RFX1: variants seen among roughly 807,000 people sequenced by gnomAD.
The protein encoded by RFX1 is MHC class II regulatory factor RFX1.
Under a neutral mutation model 119.6 loss-of-function variants are expected in RFX1, and 42 were observed. That is an observed-to-expected ratio of 0.35 (90% CI 0.27 to 0.45). The LOEUF is 0.45. RFX1 is among the 20% of genes least tolerant of loss of function. RFX1 has a pLI of 1.00. For synonymous variants in RFX1, 628 were observed against 618.5 expected (o/e 1.02, Z -0.23); for missense variants, 1,118 against 1,368.1 (o/e 0.82, Z 2.88).
intron 2 of RFX1, among the ~76,000 whole-genome samples, chr19:13,989,535 TAGAGAG>T (rs57906004): frequency 6.8e-6 from 1 of 146,442 alleles, no homozygotes; most frequent in African/African-American, 2.5e-5. Flanking sequence ...ACACCCAGCT[TAGAGAG>T]AGAGAGAGAG....
At position 13,993,559 on chromosome 19, in the gene RFX1, A is replaced by G; in HGVS notation, c.285T>C (p.Pro95=). ...SQPTGAPTPS[P]APQQYIVVTV... ...TGACCACGATGTACTGCTGGGGTGCAGGCGAAGGGGTGGGTGCACCGGTTG... is the reference window on the plus strand; with the variant it reads ...TGACCACGATGTACTGCTGGGGTGCGGGCGAAGGGGTGGGTGCACCGGTTG... Residue 95 remains proline, a synonymous_variant, in exon 2 of 21, where the codon CCT becomes CCC. Transcript: ENST00000254325. 3 of 1,612,908 alleles carry G rather than the reference A, an allele frequency of 1.9e-6. No individual in the cohort carries two copies. The highest frequency in any genetic ancestry group is 2.5e-6 in the Non-Finnish European group (3 of 1,179,544).
At chr19:13,989,337 G>A (rs1431732098) in intron 2 of RFX1, among the ~76,000 whole-genome samples, 1 of 152,096 alleles carries the variant, frequency 6.6e-6, no homozygotes, top group African/African-American at 2.4e-5. Flanking sequence ...GCTAGTAGGG[G>A]CACAGGGTGT....
At position 13,962,467 on chromosome 19, in the gene RFX1, G is replaced by A; in HGVS notation, c.*228C>T. 1 of 519,710 alleles carries A rather than the reference G, an allele frequency of 1.9e-6. No individual in the cohort carries two copies. 32.2% of individuals were successfully genotyped at this position (519,710 alleles called of 1,614,324 possible). A position where few individuals can be genotyped will look rare whatever the true frequency, so the allele number is the denominator to read the frequency against. ...GCCCCGCGGGGCACCTGGGCACGCG[G>A]CGGGTTCCTTAAGGCACGTCTTTTG... is the stretch of plus-strand genomic sequence containing the variant. On this transcript the variant is annotated 3_prime_UTR_variant, in exon 21 of 21. Transcript: ENST00000254325.
At chr19:13,995,053 G>T (rs1337589904) in intron 1 of RFX1, among the ~76,000 whole-genome samples, 1 of 150,492 alleles carries the variant, frequency 6.6e-6, no homozygotes, top group African/African-American at 2.4e-5. Flanking sequence ...TTCTAGGTGT[G>T]AGCCACCACG....
chr19:13,966,587 C>A lies in RFX1; in HGVS notation c.1851+46G>T. ...GGGGGCAGCATGGCCCTCCCATGCC[C>A]GTGGCTGCGTCCCCGTCCACTTGCC... On this transcript the variant is annotated intron_variant, in intron 13 of 20. Coordinates refer to ENST00000254325, the MANE Select transcript of RFX1 (RefSeq NM_002918.5). This position sits in a 1 kb window ranked among gnomAD's most constrained non-coding sequence, Gnocchi z 6.3. The A allele has an allele frequency of 2.0e-6, 3 of 1,536,264 alleles. No homozygotes were observed. Among genetic ancestry groups the A allele is most frequent in the East Asian group, 2.3e-5 (1 of 43,510 alleles).
In RFX1 at chr19:13,993,792, G is replaced by A; in HGVS notation, c.52C>T (p.Pro18Ser). ...TGGGCTTGTGGCGGGGCCTGTGGCGGCTGGGATGGTGGCGGGGCTGCCTGT... is the reference window on the plus strand; with the variant it reads ...TGGGCTTGTGGCGGGGCCTGTGGCGACTGGGATGGTGGCGGGGCTGCCTGT... The part of the protein sequence containing the change: ...ELQAAPPPSQ[P>S]PQAPPQAQPQ... Residue 18 changes from proline to serine, a missense_variant, in exon 2 of 21, where the codon CCG becomes TCG. Pro to Ser is a moderately conservative substitution (Grantham distance 74). Around this residue, in one of 5 missense-constraint regions of RFX1, gnomAD observed 542 missense variants for 602.7 expected, o/e 0.90. Transcript: ENST00000254325. The A allele has an allele frequency of 6.3e-7, 1 of 1,597,832 alleles. No homozygotes were observed. Among genetic ancestry groups the A allele is most frequent in the Non-Finnish European group, 8.5e-7 (1 of 1,173,262 alleles).
At position 13,962,181 on chromosome 19, in the gene RFX1, G is replaced by A. The variant is rs1215283362; in HGVS notation, c.*514C>T. The A allele has an allele frequency of 6.5e-6, 1 of 154,910 alleles. No homozygotes were observed. The highest frequency in any genetic ancestry group is 6.5e-5 in the Admixed American group (1 of 15,476). The allele number at this position is 154,910 out of a possible 1,614,324, so 9.6% of individuals were successfully genotyped here. A position where few individuals can be genotyped will look rare whatever the true frequency, so the allele number is the denominator to read the frequency against. On this transcript the variant is annotated 3_prime_UTR_variant, in exon 21 of 21. Transcript: ENST00000254325. Reference sequence around the variant, plus strand: ...CTTTAATTGCACTTAATACCAAGAAGGGGAAGCAGTGGGGTTGCTGGGGGT... The same window carrying A: ...CTTTAATTGCACTTAATACCAAGAAAGGGAAGCAGTGGGGTTGCTGGGGGT...
At position 13,993,688 on chromosome 19, in the gene RFX1, G is replaced by T; in HGVS notation, c.156C>A (p.Pro52=). The stretch of plus-strand genomic sequence containing the variant: ...GGCTCTGCAGCTCGGTGACATATTG[G>T]GGCTGAGGGGTGGCAGCAGCGGTGG... The part of the protein sequence containing the change: ...QPPTAAATPQ[P]QYVTELQSPQ... Residue 52 remains proline (P), a synonymous_variant, in exon 2 of 21, where the codon CCC becomes CCA. Transcript: ENST00000254325. The T allele has an allele frequency of 1.9e-6, 3 of 1,586,646 alleles. No homozygotes were observed. Among genetic ancestry groups the T allele is most frequent in the Non-Finnish European group, 2.6e-6 (3 of 1,165,984 alleles).
intron 16 of RFX1, 40 bp from the exon 17 acceptor site, chr19:13,964,047 C>T (rs1441059655): frequency 2.6e-6 from 4 of 1,517,788 alleles, no homozygotes; most frequent in African/African-American, 1.4e-5. Flanking sequence ...TTCCAAGGAA[C>T]CCCAGCCCGC....
chr19:13,983,153 C>T (rs753571419), intron 4 of RFX1, 34 bp downstream of exon 4: 22 of 1,507,676 alleles, frequency 1.5e-5, no homozygotes, highest in Admixed American at 2.0e-5. Flanking sequence ...CTGAGGGAGC[C>T]TTCCAGGGTG....
At chr19:13,974,674 G>A (rs1974199944) in intron 8 of RFX1, among the ~76,000 whole-genome samples, 2 of 152,112 alleles carry the variant, frequency 1.3e-5, no homozygotes. Flanking sequence ...CAGGCAGGGG[G>A]CACCTCTCAC....
chr19:13,979,119 G>A (rs1449530121), intron 7 of RFX1, among the ~76,000 whole-genome samples: 1 of 152,084 alleles, frequency 6.6e-6, no homozygotes, highest in Non-Finnish European at 1.5e-5. Context: ...CAACGGGGGC[G>A]GCCGCGGGCG....
intron 2 of RFX1, among the ~76,000 whole-genome samples, chr19:13,984,760 G>A (rs965848195): frequency 5.9e-5 from 9 of 152,308 alleles, no homozygotes; most frequent in East Asian, 3.9e-4. Context: ...TCCGACCCCC[G>A]GCAGGACTGA....
Position 13,965,675 on chromosome 19 carries a change from G to C in RFX1, c.2064C>G (p.Tyr688Ter), listed in dbSNP as rs1232992870. 6.2e-7 allele frequency: 1 copy of C among 1,613,866 alleles called. No individual in the cohort carries two copies. Among genetic ancestry groups the C allele is most frequent in the Non-Finnish European group, 8.5e-7 (1 of 1,179,958 alleles). Reference sequence around the variant, plus strand: ...GAATGAGGATTTCCACCAGGCCCTGGTACAGCACGTTGTCACAGTGCTTGG... The same window carrying C: ...GAATGAGGATTTCCACCAGGCCCTGCTACAGCACGTTGTCACAGTGCTTGG... ...QWTKHCDNVLYQGLVEILIPD... is the reference protein window; with the variant it reads ...QWTKHCDNVL The change falls in exon 15 of 21, where the codon TAC becomes TAG. Residue 688 changes from tyrosine to a stop codon, truncating the protein, a stop_gained. Transcript: ENST00000254325. LOFTEE classifies it high-confidence loss of function. This position sits in a 1 kb window ranked among gnomAD's most constrained non-coding sequence, Gnocchi z 4.7.
At chr19:13,963,796 C>A (rs1193549845) in intron 17 of RFX1, 50 bp from the exon 18 acceptor site, 12 of 1,494,702 alleles carry the variant, frequency 8.0e-6, no homozygotes, top group Non-Finnish European at 3.6e-6. Flanking sequence ...GCCGTCACCC[C>A]CGCCTGGCCC....
chr19:13,999,968 G>A (rs1369221628), intron 1 of RFX1, among the ~76,000 whole-genome samples: 1 of 152,004 alleles, frequency 6.6e-6, no homozygotes, highest in Non-Finnish European at 1.5e-5. Context: ...GAGCCACCGC[G>A]ACTGGCCTGA....
chr19:13,963,405 G>C, intron 18 of RFX1, 130 bp from the exon 19 acceptor site: 2 of 1,429,764 alleles, frequency 1.4e-6, no homozygotes, highest in Non-Finnish European at 1.9e-6. Flanking sequence ...CAGCCTTCCC[G>C]GCACATGAGC....
In RFX1 at chr19:13,986,107, C is replaced by A. The variant is rs1357855590; in HGVS notation, c.320-2512G>T. ...CTGAGAGGGCCCCTCCTGGGAGAAACCCGAGACAGCCCCGAGTCATGTGAC... is the reference window on the plus strand; with the variant it reads ...CTGAGAGGGCCCCTCCTGGGAGAAAACCGAGACAGCCCCGAGTCATGTGAC... On this transcript the variant is annotated intron_variant, in intron 2 of 20. Transcript: ENST00000254325. The surrounding 1 kb of genome is among the most constrained non-coding windows in gnomAD (Gnocchi z 4.2). 6.6e-6 allele frequency among the ~76,000 whole-genome samples: 1 copy of A among 152,150 alleles called. No homozygotes were observed. The highest frequency in any genetic ancestry group is 1.5e-5 in the Non-Finnish European group (1 of 68,004).
intron 9 of RFX1, among the ~76,000 whole-genome samples, chr19:13,970,584 C>CAG (rs779575726): frequency 7.3e-6 from 1 of 136,490 alleles, no homozygotes; most frequent in Non-Finnish European, 1.5e-5. Context: ...AGGATCCCTT[C>CAG]AGCTCAGAAG....
Sources: allele counts gnomAD v4.1 joint callset (sites outside exome capture counted in the v4.1 genomes callset), GRCh38; gene constraint gnomAD v4.1.1; regional missense constraint gnomAD v4.1.1; non-coding constraint Gnocchi (gnomAD v3.1); transcripts MANE v1.5; gene names NCBI Gene and HGNC (gene_info 2026-07-23, HGNC 2026-07-21).